DPY19L1: variants seen among roughly 807,000 people sequenced by gnomAD.
The protein encoded by DPY19L1 is dpy-19 like C-mannosyltransferase 1.
Under a neutral mutation model 96.9 loss-of-function variants are expected in DPY19L1, and 35 were observed. That is an observed-to-expected ratio of 0.36 (90% CI 0.28 to 0.48). The LOEUF (loss-of-function observed/expected upper bound fraction) is 0.48. Among genes scored for constraint, DPY19L1 ranks in the 20% least tolerant of loss-of-function variants. DPY19L1 has a pLI of 0.99. For missense variants in DPY19L1, 521 were observed against 777.9 expected, an observed-to-expected ratio of 0.67 and a Z score of 3.93; for synonymous variants, 205 against 252.6, an observed-to-expected ratio of 0.81 and a Z score of 1.79.
chr7:35,011,597 C>G, intron 4 of DPY19L1, 147 bp from the exon 5 acceptor site: 1 of 780,804 alleles, frequency 1.3e-6, no homozygotes, highest in Non-Finnish European at 2.0e-6. Context: ...AAACAAGGCT[C>G]AGAATCTCCT....
chr7:34,977,513 C>T (rs1007699717), intron 7 of DPY19L1, among the ~76,000 whole-genome samples: 7 of 152,152 alleles, frequency 4.6e-5, no homozygotes, highest in African/African-American at 1.7e-4. Context: ...AGGTCTTCTC[C>T]CTCCAAAATT....
chr7:34,954,682 T>TA lies in DPY19L1; in HGVS notation c.1320+15dup. 2.0e-6 allele frequency: 3 copies of TA among 1,473,218 alleles called. No homozygotes were observed. The highest frequency in any genetic ancestry group is 1.9e-6 in the Non-Finnish European group (2 of 1,068,996). 91.3% of individuals were successfully genotyped at this position (1,473,218 alleles called of 1,614,324 possible). On this transcript the variant is annotated intron_variant, in intron 13 of 21. Coordinates refer to ENST00000638088, the MANE Select transcript of DPY19L1 (RefSeq NM_001366673.1). ...TCTTTTCAAGTCTTTCAAATTTAAG[T>TA]AAAAAATGCACTTACGTCATCTGCA...
intron 1 of DPY19L1, among the ~76,000 whole-genome samples, chr7:35,025,369 T>C (rs1786096389): frequency 6.6e-6 from 1 of 152,058 alleles, no homozygotes; most frequent in South Asian, 2.1e-4. Context: ...AGATAAGATT[T>C]AGGTACATAA....
intron 16 of DPY19L1, among the ~76,000 whole-genome samples, chr7:34,945,298 G>T (rs772031864): frequency 1.2e-4 from 19 of 152,066 alleles, no homozygotes; most frequent in Non-Finnish European, 2.6e-4. Context: ...TGTAAAAAGT[G>T]AGGTATGAAT....
rs186032363 is a variant in DPY19L1, at chr7:34,943,394, C to A, written c.1545-755G>T. Among the ~76,000 whole-genome samples, 7 of 152,294 alleles carry A rather than the reference C, an allele frequency of 4.6e-5. No homozygotes were observed. In the East Asian group the frequency reaches 1.3e-3, roughly 29 times the overall value. On this transcript the variant is annotated intron_variant, in intron 16 of 21. Transcript: ENST00000638088. The stretch of plus-strand genomic sequence containing the variant: ...ACTCTAATCCTACAACCATTTATTA[C>A]CCCAATTTACAGCCAAGGAAAGGAA...
At chr7:35,022,657 G>A (rs1159154069) in intron 1 of DPY19L1, among the ~76,000 whole-genome samples, 3 of 152,202 alleles carry the variant, frequency 2.0e-5, no homozygotes, top group Non-Finnish European at 4.4e-5. Flanking sequence ...GCACAAAGCT[G>A]AGCACGCTCA....
chr7:34,952,426 G>C (rs1488698675), intron 13 of DPY19L1, among the ~76,000 whole-genome samples: 4 of 152,192 alleles, frequency 2.6e-5, no homozygotes, highest in Non-Finnish European at 5.9e-5. Flanking sequence ...AAAGCTCCAG[G>C]CCATGAGGGC....
intron 1 of DPY19L1, among the ~76,000 whole-genome samples, chr7:35,036,873 T>A (rs1439946289): frequency 6.6e-6 from 1 of 151,038 alleles, no homozygotes; most frequent in East Asian, 2.0e-4. Context: ...AGAGCGCGGG[T>A]GGGAAGCGTG....
intron 7 of DPY19L1, among the ~76,000 whole-genome samples, chr7:34,985,046 A>G (rs1785018947): frequency 6.6e-6 from 1 of 152,148 alleles, no homozygotes; most frequent in Non-Finnish European, 1.5e-5. Context: ...AACCTTACCA[A>G]CACTGGAAAG....
At chr7:35,013,726 A>G in intron 3 of DPY19L1, 21 bp from the exon 4 acceptor site, 3 of 1,559,794 alleles carry the variant, frequency 1.9e-6, no homozygotes, top group Non-Finnish European at 2.6e-6. Flanking sequence ...GATATGCTCA[A>G]TTAAAATAAC....
chr7:35,001,227 G>C (rs528977200), intron 6 of DPY19L1, among the ~76,000 whole-genome samples: 1 of 152,196 alleles, frequency 6.6e-6, no homozygotes, highest in African/African-American at 2.4e-5. Context: ...TCTGCAGAAG[G>C]AAAGCTTCAG....
chr7:34,948,221 G>A (rs1784192696), intron 14 of DPY19L1, among the ~76,000 whole-genome samples: 1 of 152,050 alleles, frequency 6.6e-6, no homozygotes, highest in Non-Finnish European at 1.5e-5. Context: ...TTGTGAGCCT[G>A]TGCACCTCTC....
chr7:34,975,877 T>C (rs1784820565), intron 7 of DPY19L1, among the ~76,000 whole-genome samples: 1 of 152,210 alleles, frequency 6.6e-6, no homozygotes, highest in African/African-American at 2.4e-5. Context: ...GACCAGATAT[T>C]TTAAGCCCAT....
intron 20 of DPY19L1, 79 bp from the exon 21 acceptor site, chr7:34,938,198 T>TAG: frequency 6.9e-7 from 1 of 1,449,640 alleles, no homozygotes; most frequent in Non-Finnish European, 9.4e-7. Context: ...AGCACTGAAT[T>TAG]AGACTAGAAG....
intron 21 of DPY19L1, among the ~76,000 whole-genome samples, chr7:34,933,645 C>CA (rs1264436189): frequency 6.6e-6 from 1 of 152,188 alleles, no homozygotes; most frequent in East Asian, 1.9e-4. Flanking sequence ...TAAAAGCAGG[C>CA]AAAAGAATTG....
intron 5 of DPY19L1, 97 bp from the exon 6 acceptor site, chr7:35,010,658 G>A (rs1785688257): frequency 3.5e-6 from 3 of 852,208 alleles, no homozygotes; most frequent in Admixed American, 2.6e-5. Flanking sequence ...TTTGAAAATG[G>A]TTGCCAGATA....
intron 17 of DPY19L1, 58 bp downstream of exon 17, chr7:34,942,557 A>G: frequency 2.2e-6 from 3 of 1,360,880 alleles, no homozygotes; most frequent in Non-Finnish European, 3.1e-6. Context: ...CTAGAAAGGA[A>G]AGTCCAAATG....
At chr7:34,994,025 C>T (rs1260484383) in intron 6 of DPY19L1, among the ~76,000 whole-genome samples, 3 of 152,046 alleles carry the variant, frequency 2.0e-5, no homozygotes, top group Non-Finnish European at 4.4e-5. Flanking sequence ...GAGATTGCGC[C>T]GTGGCACTCC....
At chr7:35,027,682 A>AAAAAAAAAAAAAAAAAAAAAAAAC (rs1438077160) in intron 1 of DPY19L1, among the ~76,000 whole-genome samples, 1 of 148,480 alleles carries the variant, frequency 6.7e-6, no homozygotes. Flanking sequence ...AAAAAAAAAA[A>AAAAAAAAAAAAAAAAAAAAAAAAC]AAAAAATTAG....
Sources: gnomAD v4.1 joint callset for allele counts (sites outside exome capture counted in the v4.1 genomes callset) on GRCh38, gnomAD v4.1.1 for gene constraint, MANE v1.5 for transcripts, NCBI Gene and HGNC (gene_info 2026-07-23, HGNC 2026-07-21) for gene names.